VWC2: variants seen among roughly 807,000 people sequenced by gnomAD.
The protein encoded by VWC2 is brorin.
A neutral mutation model predicts 29.8 loss-of-function variants in VWC2; 14 were observed. The observed-to-expected ratio is 0.47, with a 90% CI of 0.31 to 0.74. VWC2 has a LOEUF of 0.74. Among genes scored for constraint, VWC2 ranks in the 30% least tolerant of loss-of-function variants. The pLI, the probability that VWC2 is intolerant of heterozygous loss-of-function variation, is 0.05. For missense variants in VWC2, 457 were observed against 459.8 expected (o/e 0.99, Z 0.05); for synonymous variants, 213 against 199.0 (o/e 1.07, Z -0.59).
intron 3 of VWC2, chr7:49,901,333 A>G (rs1731895707): frequency 6.6e-6 from 1 of 151,874 alleles, no homozygotes; most frequent in African/African-American, 2.4e-5. Context: ...CAATCAAGAA[A>G]AAAAACTTCA....
At chr7:49,837,482 T>G (rs1384887) in intron 3 of VWC2, among the ~76,000 whole-genome samples, 134,088 of 152,156 alleles carry the variant, frequency 0.88, 59,541 homozygotes, top group East Asian at 0.94. Flanking sequence ...ACAGAAGAGG[T>G]ATCTTTCACT....
At position 49,853,255 on chromosome 7, in the gene VWC2, C is replaced by A. The variant is rs542327161; in HGVS notation, c.826+50415C>A. Among the ~76,000 whole-genome samples, 463 of 152,364 alleles carry A rather than the reference C, an allele frequency of 3.0e-3. 6 individuals carry two copies. The highest frequency in any genetic ancestry group is 5.9e-3 in the Admixed American group (90 of 15,308). On this transcript the variant is annotated intron_variant, in intron 3 of 3. Coordinates refer to ENST00000340652, the MANE Select transcript of VWC2 (RefSeq NM_198570.5). ...GAGTGGGCATGTTCTGCATGGCAGA[C>A]CCTATCAGGTATGACTGTAGTCTCC...
chr7:49,921,735 C>A lies in VWC2; in HGVS notation c.*9550C>A, dbSNP rs946315532. The A allele has an allele frequency of 3.3e-5, 5 of 151,922 alleles. No individual in the cohort carries two copies. The highest frequency in any genetic ancestry group is 1.2e-4 in the African/African-American group (5 of 41,238). 9.4% of individuals were successfully genotyped at this position (151,922 alleles called of 1,614,324 possible). A position where few individuals can be genotyped will look rare whatever the true frequency, so the allele number is the denominator to read the frequency against. ...TAAATGAATAATTTAATTTAGTGCT[C>A]ATTTGAAAAATATTTTATCCTCATG... On this transcript the variant is annotated 3_prime_UTR_variant, in exon 4 of 4. Coordinates refer to ENST00000340652, the MANE Select transcript of VWC2 (RefSeq NM_198570.5).
At chr7:49,866,228 C>T (rs1790885655) in intron 3 of VWC2, among the ~76,000 whole-genome samples, 1 of 152,200 alleles carries the variant, frequency 6.6e-6, no homozygotes, top group Non-Finnish European at 1.5e-5. Context: ...GACCCTTCGC[C>T]AGATGTGTTC....
intron 3 of VWC2, among the ~76,000 whole-genome samples, chr7:49,875,637 C>T (rs4917096): frequency 0.26 from 38,980 of 151,662 alleles, 6,038 homozygotes; most frequent in Non-Finnish European, 0.35. Flanking sequence ...AGCTCTGTGG[C>T]CTTGGCTGGT....
intron 3 of VWC2, among the ~76,000 whole-genome samples, chr7:49,860,328 T>G (rs1250179154): frequency 6.6e-6 from 1 of 152,242 alleles, no homozygotes; most frequent in African/African-American, 2.4e-5. Context: ...TTCTAGCTAT[T>G]TCACATGAGT....
At chr7:49,821,079 C>T (rs1389268001) in intron 3 of VWC2, among the ~76,000 whole-genome samples, 1 of 151,940 alleles carries the variant, frequency 6.6e-6, no homozygotes, top group East Asian at 1.9e-4. Flanking sequence ...AAGTAACTAA[C>T]TCATTCTATG....
intron 1 of VWC2, 28 bp from the exon 2 acceptor site, chr7:49,775,305 C>T (rs373877965): frequency 1.9e-6 from 1 of 527,628 alleles, no homozygotes; most frequent in Non-Finnish European, 2.7e-6. Flanking sequence ...GGCCGCGGGG[C>T]TCAGTTGTGC....
Position 49,789,320 on chromosome 7 carries a change from G to GGTGT in VWC2, c.696+13195_696+13198dup, listed in dbSNP as rs77380170. On this transcript the variant is annotated intron_variant, in intron 2 of 3. Transcript: ENST00000340652. ...GAGCGGGTGTGTGAGTGTGGGTGTA[G>GGTGT]GTGTGTGTGGGTGCGTGTGAGTGTA... is the stretch of plus-strand genomic sequence containing the variant. Among the ~76,000 whole-genome samples, 8 of 146,152 alleles carry GGTGT rather than the reference G, an allele frequency of 5.5e-5. No individual in the cohort carries two copies. In the East Asian group the frequency reaches 6.2e-4, roughly 11 times the overall value.
At position 49,919,701 on chromosome 7, in the gene VWC2, C is replaced by T. The variant is rs1793922208; in HGVS notation, c.*7516C>T. On this transcript the variant is annotated 3_prime_UTR_variant, in exon 4 of 4. Coordinates refer to ENST00000340652, the MANE Select transcript of VWC2 (RefSeq NM_198570.5). ...AAACAAAGATTGTCCCCACTCCAAA[C>T]AATAACAGCAATGGTGAAGGTTGTG... The T allele has an allele frequency of 6.6e-6, 1 of 152,412 alleles. No homozygotes were observed. The highest frequency in any genetic ancestry group is 1.9e-4 in the East Asian group (1 of 5,194). 9.4% of individuals were successfully genotyped at this position (152,412 alleles called of 1,614,324 possible).
chr7:49,885,507 TCG>T (rs1791863146), intron 3 of VWC2, among the ~76,000 whole-genome samples: 1 of 151,618 alleles, frequency 6.6e-6, no homozygotes. Context: ...AAGGTAAAAC[TCG>T]TTATATAATT....
At chr7:49,823,131 G>C (rs1263143167) in intron 3 of VWC2, among the ~76,000 whole-genome samples, 2 of 152,218 alleles carry the variant, frequency 1.3e-5, no homozygotes, top group Non-Finnish European at 2.9e-5. Flanking sequence ...GAGTGCATGA[G>C]TGCTCCAGTG....
At chr7:49,828,015 A>T (rs993653205) in intron 3 of VWC2, among the ~76,000 whole-genome samples, 1 of 152,182 alleles carries the variant, frequency 6.6e-6, no homozygotes, top group African/African-American at 2.4e-5. Flanking sequence ...CATGCACATT[A>T]CCATGTAATT....
Position 49,877,482 on chromosome 7 carries a change from ATATAT to A in VWC2, c.827-34551_827-34547del, listed in dbSNP as rs1377506402. Among the ~76,000 whole-genome samples the A allele has an allele frequency of 8.0e-3, 162 of 20,334 alleles. 14 individuals carry two copies. Among genetic ancestry groups the A allele is most frequent in the Non-Finnish European group, 9.5e-3 (95 of 9,972 alleles). 13.3% of individuals were successfully genotyped at this position (20,334 alleles called of 152,430 possible). A position where few individuals can be genotyped will look rare whatever the true frequency, so the allele number is the denominator to read the frequency against. ...TGTCTCAAAAAAAAAAAAAAAAAAAATATATATATATATATATATATATATATATA... is the reference window on the plus strand; with the variant it reads ...TGTCTCAAAAAAAAAAAAAAAAAAAAATATATATATATATATATATATATA... On this transcript the variant is annotated intron_variant, in intron 3 of 3. Coordinates refer to ENST00000340652, the MANE Select transcript of VWC2 (RefSeq NM_198570.5).
At chr7:49,902,753 C>T (rs1356264438) in intron 3 of VWC2, among the ~76,000 whole-genome samples, 1 of 151,960 alleles carries the variant, frequency 6.6e-6, no homozygotes. Flanking sequence ...AAAATTGATG[C>T]ATTTGATCGC....
chr7:49,878,201 T>C (rs1791524174), intron 3 of VWC2, among the ~76,000 whole-genome samples: 1 of 152,142 alleles, frequency 6.6e-6, no homozygotes, highest in South Asian at 2.1e-4. Flanking sequence ...ACACTCCTTC[T>C]CTTTCACATA....
chr7:49,808,582 C>G (rs1214234176), intron 3 of VWC2, among the ~76,000 whole-genome samples: 1 of 151,928 alleles, frequency 6.6e-6, no homozygotes, highest in Non-Finnish European at 1.5e-5. Flanking sequence ...TCATTTTTGC[C>G]AAGTGCAGGT....
intron 3 of VWC2, among the ~76,000 whole-genome samples, chr7:49,858,952 G>T (rs1340729030): frequency 2.6e-5 from 4 of 152,190 alleles, no homozygotes; most frequent in African/African-American, 4.8e-5. Flanking sequence ...TGGCCCCACA[G>T]AGTTTATCAG....
intron 3 of VWC2, among the ~76,000 whole-genome samples, chr7:49,812,642 C>T (rs1789040729): frequency 6.6e-6 from 1 of 152,174 alleles, no homozygotes; most frequent in Non-Finnish European, 1.5e-5. Flanking sequence ...TCAGAAAGTT[C>T]CACCCAGCAG....
Sources: allele counts gnomAD v4.1 joint callset (sites outside exome capture counted in the v4.1 genomes callset), GRCh38; gene constraint gnomAD v4.1.1; transcripts MANE v1.5; gene names NCBI Gene and HGNC (gene_info 2026-07-23, HGNC 2026-07-21).